LRP1B: variants seen among roughly 807,000 people sequenced by gnomAD.
LRP1B encodes the protein low-density lipoprotein receptor-related protein 1B.
Under a neutral mutation model 556.6 loss-of-function variants are expected in LRP1B, and 217 were observed. The ratio of observed to expected loss-of-function variants is 0.39; its 90% CI spans 0.35 to 0.44. The LOEUF is 0.44. Ranked by LOEUF, LRP1B falls within the 20% of genes least tolerant of loss-of-function variation. The pLI, the probability that LRP1B is intolerant of heterozygous loss-of-function variation, is 1.00. For synonymous variants in LRP1B, 2,047 were observed against 1,865.8 expected (o/e 1.10, Z -2.50); for missense variants, 5,053 against 5,620.8 (o/e 0.90, Z 3.23).
intron 3 of LRP1B, 99 bp from the exon 4 acceptor site, chr2:141,254,740 C>A: frequency 1.1e-6 from 1 of 901,048 alleles, no homozygotes; most frequent in South Asian, 2.1e-5. Context: ...CTTGATTGTT[C>A]TCCCAGAAAG....
At chr2:141,160,158 CAT>C (rs2105109120) in intron 7 of LRP1B, among the ~76,000 whole-genome samples, 1 of 152,130 alleles carries the variant, frequency 6.6e-6, no homozygotes, top group South Asian at 2.1e-4. Flanking sequence ...AATATAAGCA[CAT>C]GAGGTTTAAC....
At chr2:140,627,573 C>T (rs1683709866) in intron 41 of LRP1B, among the ~76,000 whole-genome samples, 1 of 152,212 alleles carries the variant, frequency 6.6e-6, no homozygotes, top group African/African-American at 2.4e-5. Flanking sequence ...TGGAGTCAGA[C>T]TGGCTTCCTT....
At chr2:140,959,057 A>ATTTT (rs35278200) in intron 18 of LRP1B, among the ~76,000 whole-genome samples, 1 of 143,402 alleles carries the variant, frequency 7.0e-6, no homozygotes, top group African/African-American at 2.5e-5. Context: ...TGCTGCTCAG[A>ATTTT]TTTTTTTTTT....
intron 2 of LRP1B, among the ~76,000 whole-genome samples, chr2:141,695,821 T>C (rs1245842868): frequency 6.6e-6 from 1 of 152,016 alleles, no homozygotes; most frequent in African/African-American, 2.4e-5. Flanking sequence ...TCAATGTTAC[T>C]GTCAAATTCT....
At chr2:141,432,793 C>T (rs1559067754) in intron 3 of LRP1B, among the ~76,000 whole-genome samples, 1 of 151,380 alleles carries the variant, frequency 6.6e-6, no homozygotes, top group Non-Finnish European at 1.5e-5. Context: ...GAGTATTTTG[C>T]TTTTTTTTCT....
chr2:142,084,854 TA>T (rs1158196578), intron 1 of LRP1B, among the ~76,000 whole-genome samples: 2 of 151,288 alleles, frequency 1.3e-5, no homozygotes, highest in African/African-American at 4.8e-5. Context: ...GTTTCAAAAT[TA>T]AATACACTGA....
intron 2 of LRP1B, among the ~76,000 whole-genome samples, chr2:141,745,281 T>C (rs983017720): frequency 6.6e-6 from 1 of 152,134 alleles, no homozygotes; most frequent in African/African-American, 2.4e-5. Context: ...TGGCAGTGAA[T>C]TCCCCCATGC....
chr2:142,003,967 G>T (rs761242463), intron 1 of LRP1B, among the ~76,000 whole-genome samples: 1 of 152,170 alleles, frequency 6.6e-6, no homozygotes, highest in African/African-American at 2.4e-5. Context: ...ACAATTGCTA[G>T]ATTGCTACAA....
chr2:140,567,643 C>T (rs981210087), intron 43 of LRP1B, among the ~76,000 whole-genome samples: 1 of 152,152 alleles, frequency 6.6e-6, no homozygotes, highest in Non-Finnish European at 1.5e-5. Flanking sequence ...GTTCACAAGA[C>T]CTTAAGCCTA....
chr2:141,738,019 G>T (rs1361845164), intron 2 of LRP1B, among the ~76,000 whole-genome samples: 6 of 151,702 alleles, frequency 4.0e-5, no homozygotes, highest in African/African-American at 1.5e-4. Flanking sequence ...TTTACTCGTT[G>T]ATCCTCTCTT....
intron 43 of LRP1B, among the ~76,000 whole-genome samples, chr2:140,549,786 T>C (rs1317618530): frequency 6.6e-6 from 1 of 152,080 alleles, no homozygotes; most frequent in African/African-American, 2.4e-5. Flanking sequence ...CATGGGGAGA[T>C]GGTGGCGGCC....
At chr2:140,712,786 T>C (rs1224112575) in intron 37 of LRP1B, among the ~76,000 whole-genome samples, 1 of 152,058 alleles carries the variant, frequency 6.6e-6, no homozygotes, top group Non-Finnish European at 1.5e-5. Context: ...TGCAATACCA[T>C]CCTCATCACC....
chr2:141,208,272 C>T (rs2105243523), intron 6 of LRP1B: 1 of 152,334 alleles, frequency 6.6e-6, no homozygotes, highest in African/African-American at 2.4e-5. Context: ...TGCTCCTGGC[C>T]CAGAAGCAGA....
chr2:141,869,875 C>T lies in LRP1B; in HGVS notation c.83-59474G>A, dbSNP rs191929607. On this transcript the variant is annotated intron_variant, in intron 1 of 90. Coordinates refer to ENST00000389484, the MANE Select transcript of LRP1B (RefSeq NM_018557.3). ...ATCACACACACAAAGATCCTCCTCC[C>T]CCAGCAACAAAACATAAAACCCAAG... 3.3e-5 allele frequency among the ~76,000 whole-genome samples: 5 copies of T among 152,126 alleles called. No homozygotes were observed. The East Asian group carries it at 9.7e-4, about 29-fold the overall frequency.
intron 9 of LRP1B, among the ~76,000 whole-genome samples, chr2:141,055,802 ATGTGTGTG>A (rs10664722): frequency 2.6e-4 from 38 of 145,548 alleles, no homozygotes; most frequent in South Asian, 1.1e-3. Flanking sequence ...TTACCACAAA[ATGTGTGTG>A]TGTGTGTGTG....
At chr2:140,484,477 T>C (rs1688383987) in intron 59 of LRP1B, among the ~76,000 whole-genome samples, 1 of 152,172 alleles carries the variant, frequency 6.6e-6, no homozygotes, top group African/African-American at 2.4e-5. Flanking sequence ...ACCAAAGTTA[T>C]CCTAACACTT....
At chr2:140,772,947 A>G (rs889338853) in intron 33 of LRP1B, among the ~76,000 whole-genome samples, 1 of 152,078 alleles carries the variant, frequency 6.6e-6, no homozygotes, top group Non-Finnish European at 1.5e-5. Context: ...TGAAAAAACA[A>G]AAATTAGCCA....
At chr2:142,018,084 T>C (rs1355612947) in intron 1 of LRP1B, among the ~76,000 whole-genome samples, 1 of 152,136 alleles carries the variant, frequency 6.6e-6, no homozygotes, top group Non-Finnish European at 1.5e-5. Context: ...ATAGGTAAGA[T>C]TTTCTCTGTG....
chr2:142,054,418 A>G (rs980764406), intron 1 of LRP1B, among the ~76,000 whole-genome samples: 1 of 152,024 alleles, frequency 6.6e-6, no homozygotes, highest in Non-Finnish European at 1.5e-5. Flanking sequence ...AATGCCATAA[A>G]TTCTAGGCAA....
Sources: allele counts gnomAD v4.1 joint callset (sites outside exome capture counted in the v4.1 genomes callset), GRCh38; gene constraint gnomAD v4.1.1; transcripts MANE v1.5; gene names NCBI Gene and HGNC (gene_info 2026-07-23, HGNC 2026-07-21).